Variants in ZNF385D observed in about 807,000 individuals in gnomAD.
ZNF385D encodes zinc finger protein 385D.
ZNF385D carries 15 observed loss-of-function variants against 35.8 expected under a neutral mutation model. The ratio of observed to expected loss-of-function variants is 0.42; its 90% CI spans 0.28 to 0.64. The LOEUF is 0.64. Among genes scored for constraint, ZNF385D ranks in the 30% least tolerant of loss-of-function variants. The pLI is 0.23. For missense variants in ZNF385D, 474 were observed against 494.6 expected, an observed-to-expected ratio of 0.96 and a Z score of 0.39; for synonymous variants, 212 against 186.8, an observed-to-expected ratio of 1.13 and a Z score of -1.10.
At chr3:22,194,728 G>T (rs1398898032) in intron 2 of ZNF385D, among the ~76,000 whole-genome samples, 3 of 151,812 alleles carry the variant, frequency 2.0e-5, no homozygotes, top group African/African-American at 7.2e-5. Context: ...TTCTTTTCAA[G>T]AATGTAGGTA....
intron 2 of ZNF385D, among the ~76,000 whole-genome samples, chr3:22,320,052 T>C (rs1267210957): frequency 1.3e-5 from 2 of 151,816 alleles, no homozygotes; most frequent in Non-Finnish European, 2.9e-5. Flanking sequence ...ACAAAACACA[T>C]ACAAACTTTT....
At chr3:21,759,363 G>C (rs563602885) in intron 3 of ZNF385D, among the ~76,000 whole-genome samples, 2 of 141,636 alleles carry the variant, frequency 1.4e-5, no homozygotes, top group African/African-American at 3.2e-5. Flanking sequence ...TATTATTAAA[G>C]AGTAAGTTTC....
In ZNF385D at chr3:22,227,193, G is replaced by T. The variant is rs576690980; in HGVS notation, c.107-58158C>A. ...ATATATGTGTATGTGGGGCGGGGGG[G>T]GTGTAGGTGCTTGTCATCCAAGGTT... is the stretch of plus-strand genomic sequence containing the variant. On this transcript the variant is annotated intron_variant, in intron 2 of 5. Coordinates refer to the ZNF385D transcript ENST00000494108. Among the ~76,000 whole-genome samples the T allele has an allele frequency of 1.3e-4, 20 of 151,828 alleles. 1 individual carries two copies. The highest frequency in any genetic ancestry group is 1.2e-3 in the South Asian group (6 of 4,808).
Position 21,564,654 on chromosome 3 carries a change from G to T in ZNF385D, c.196C>A (p.His66Asn). 2 of 1,577,504 alleles carry T rather than the reference G, an allele frequency of 1.3e-6. No homozygotes were observed. Among genetic ancestry groups the T allele is most frequent in the African/African-American group, 1.4e-5 (1 of 73,010 alleles). Reference sequence around the variant, plus strand: ...TGGGGAAGAGGAACCCCGAATGTATGGTTTATTACAGCTTTCTGAATCGGG... The same window carrying T: ...TGGGGAAGAGGAACCCCGAATGTATTGTTTATTACAGCTTTCTGAATCGGG... Reference protein sequence around the residue: ...MDPIQKAVINHTFGVPLPHRR... With the variant: ...MDPIQKAVINNTFGVPLPHRR... The change falls in exon 3 of 8, where the codon CAT becomes AAT. Residue 66 changes from histidine to asparagine, a missense_variant. His to Asn is a moderately conservative substitution (Grantham distance 68, BLOSUM62 1). Coordinates refer to ENST00000281523, the MANE Select transcript of ZNF385D (RefSeq NM_024697.3).
chr3:21,740,681 A>G (rs559894793), intron 1 of ZNF385D, among the ~76,000 whole-genome samples: 23 of 152,082 alleles, frequency 1.5e-4, no homozygotes, highest in Admixed American at 6.6e-4. Flanking sequence ...TGGGGAAAGA[A>G]CCCAGGCTTT....
chr3:21,854,153 G>A (rs1429084274), intron 3 of ZNF385D, among the ~76,000 whole-genome samples: 3 of 151,690 alleles, frequency 2.0e-5, no homozygotes, highest in Non-Finnish European at 4.4e-5. Context: ...TGCACAAAAG[G>A]GCAGTCTTAA....
At chr3:22,132,816 T>C (rs1703879344) in intron 3 of ZNF385D, among the ~76,000 whole-genome samples, 1 of 152,106 alleles carries the variant, frequency 6.6e-6, no homozygotes, top group South Asian at 2.1e-4. Context: ...TTTCTTTCTA[T>C]TCTGAAATTC....
At chr3:21,580,652 G>T (rs955584313) in intron 2 of ZNF385D, among the ~76,000 whole-genome samples, 10 of 151,518 alleles carry the variant, frequency 6.6e-5, no homozygotes, top group Non-Finnish European at 1.5e-4. Flanking sequence ...TTCTCTGTAG[G>T]TTATCTTTTT....
rs200655244 is a variant in ZNF385D, at chr3:22,255,408, AACTT to A, written c.107-86377_107-86374del. Among the ~76,000 whole-genome samples, 630 of 151,980 alleles carry A rather than the reference AACTT, an allele frequency of 4.1e-3. 3 individuals carry two copies. Among genetic ancestry groups the A allele is most frequent in the African/African-American group, 0.014 (593 of 41,510 alleles). On this transcript the variant is annotated intron_variant, in intron 2 of 5. Coordinates refer to the ZNF385D transcript ENST00000494108. The stretch of plus-strand genomic sequence containing the variant: ...ATATTTTATCCTACAGATATGAAAT[AACTT>A]ACTTACACACACTTAACATTTTGGG...
At chr3:22,299,995 G>A (rs1026473205) in intron 2 of ZNF385D, among the ~76,000 whole-genome samples, 1 of 151,810 alleles carries the variant, frequency 6.6e-6, no homozygotes, top group Non-Finnish European at 1.5e-5. Context: ...ACCCCAAAGA[G>A]CCAAAGCAAT....
chr3:22,036,663 C>T (rs1698339126), intron 3 of ZNF385D, among the ~76,000 whole-genome samples: 2 of 150,650 alleles, frequency 1.3e-5, no homozygotes, highest in East Asian at 1.9e-4. Context: ...TACCATAAAA[C>T]CCTTCTTTTA....
intron 3 of ZNF385D, among the ~76,000 whole-genome samples, chr3:22,149,408 G>A (rs1705081557): frequency 6.6e-6 from 1 of 152,160 alleles, no homozygotes; most frequent in Non-Finnish European, 1.5e-5. Context: ...TATTGCTTCT[G>A]ATATGTTATT....
intron 3 of ZNF385D, among the ~76,000 whole-genome samples, chr3:21,880,076 C>G (rs1698198636): frequency 1.3e-5 from 2 of 151,906 alleles, no homozygotes; most frequent in South Asian, 2.1e-4. Flanking sequence ...CAAATTAAGC[C>G]AAATGAAGTA....
chr3:21,740,310 C>T (rs1045972535), intron 1 of ZNF385D, among the ~76,000 whole-genome samples: 2 of 152,090 alleles, frequency 1.3e-5, no homozygotes, highest in African/African-American at 4.8e-5. Flanking sequence ...GTGGGTGGAC[C>T]AGGAACATTT....
chr3:22,170,687 A>G (rs1156430650), intron 2 of ZNF385D, among the ~76,000 whole-genome samples: 1 of 152,188 alleles, frequency 6.6e-6, no homozygotes, highest in African/African-American at 2.4e-5. Context: ...TCAAAGGAAA[A>G]TATGTAAGCA....
In ZNF385D at chr3:22,343,322, T is replaced by C. The variant is rs139709986; in HGVS notation, c.106+29128A>G. Among the ~76,000 whole-genome samples the C allele has an allele frequency of 4.6e-5, 7 of 152,290 alleles. No individual in the cohort carries two copies. The East Asian group carries it at 1.4e-3, about 29-fold the overall frequency. ...AGATCTACGTTTCCATTTCAGGGAA[T>C]TTTCTACTGTGGAAGCCAAAGGTGT... On this transcript the variant is annotated intron_variant, in intron 2 of 5. Coordinates refer to the ZNF385D transcript ENST00000494108.
intron 3 of ZNF385D, among the ~76,000 whole-genome samples, chr3:22,166,241 G>A (rs577513198): frequency 4.6e-5 from 6 of 130,524 alleles, no homozygotes; most frequent in East Asian, 2.0e-4. Flanking sequence ...CTAACATGAC[G>A]ATACTTAAAA....
intron 1 of ZNF385D, among the ~76,000 whole-genome samples, chr3:21,742,804 A>G (rs534087547): frequency 2.0e-5 from 3 of 152,154 alleles, no homozygotes; most frequent in Non-Finnish European, 4.4e-5. Context: ...CAGCTCTTCT[A>G]TCACCTATAT....
rs775563537 is a variant in ZNF385D, at chr3:21,510,813, C to A, written c.439+48G>T. 13 of 1,607,270 alleles carry A rather than the reference C, an allele frequency of 8.1e-6. No individual in the cohort carries two copies. The East Asian group carries it at 2.9e-4, about 36-fold the overall frequency. ...CATGGGGCTAGACAAGGGAGGGAAT[C>A]CCCAACGACGACGACGAGGACAACA... is the stretch of plus-strand genomic sequence containing the variant. On this transcript the variant is annotated intron_variant, in intron 4 of 7. Transcript: ENST00000281523.
Sources: allele counts gnomAD v4.1 joint callset (sites outside exome capture counted in the v4.1 genomes callset), GRCh38; gene constraint gnomAD v4.1.1; transcripts MANE v1.5; gene names NCBI Gene and HGNC (gene_info 2026-07-23, HGNC 2026-07-21).